Variants in KCNC2 observed in about 807,000 individuals in gnomAD.
The protein encoded by KCNC2 is potassium voltage-gated channel subfamily C member 2, also known as voltage-gated potassium channel KCNC2.
A neutral mutation model predicts 44.5 loss-of-function variants in KCNC2; 21 were observed. The observed-to-expected ratio is 0.47, with a 90% CI of 0.33 to 0.68. The LOEUF is 0.68. Ranked by LOEUF, KCNC2 falls within the 30% of genes least tolerant of loss-of-function variation. KCNC2 has a pLI of 0.01. For synonymous variants in KCNC2, 391 were observed against 339.1 expected (o/e 1.15, Z -1.68); for missense variants, 589 against 826.2 (o/e 0.71, Z 3.52).
At chr12:75,072,776 T>TA (rs1451099650) in intron 2 of KCNC2, among the ~76,000 whole-genome samples, 2 of 152,196 alleles carry the variant, frequency 1.3e-5, no homozygotes, top group Non-Finnish European at 2.9e-5. Context: ...ATCAGACATT[T>TA]AATGCTATTT....
intron 2 of KCNC2, among the ~76,000 whole-genome samples, chr12:75,103,029 A>G (rs1453653896): frequency 1.3e-5 from 2 of 152,136 alleles, no homozygotes; most frequent in African/African-American, 4.8e-5. Context: ...TGCAAGCATG[A>G]CAAACAGAAG....
At chr12:75,124,908 T>C (rs967746292) in intron 2 of KCNC2, 4 of 152,028 alleles carry the variant, frequency 2.6e-5, no homozygotes, top group Admixed American at 6.6e-5. Context: ...ATCGAGACCA[T>C]CTTGGCTAAC....
At chr12:75,043,381 T>C in intron 4 of KCNC2, 140 bp from the exon 5 acceptor site, 1 of 1,401,492 alleles carries the variant, frequency 7.1e-7, no homozygotes, top group South Asian at 1.7e-5. Flanking sequence ...ATTGAGACAA[T>C]TTATAACTCT....
intron 2 of KCNC2, among the ~76,000 whole-genome samples, chr12:75,120,943 T>C (rs1334724575): frequency 6.6e-6 from 1 of 152,204 alleles, no homozygotes; most frequent in Non-Finnish European, 1.5e-5. Flanking sequence ...GTAACTATAT[T>C]GTATCCCCAT....
At chr12:75,177,553 G>T (rs895686704) in intron 2 of KCNC2, among the ~76,000 whole-genome samples, 2 of 151,936 alleles carry the variant, frequency 1.3e-5, no homozygotes, top group African/African-American at 2.4e-5. Context: ...TATCGGCTCA[G>T]CTAGGTCAGC....
chr12:75,206,724 G>A (rs2031715508), intron 2 of KCNC2, among the ~76,000 whole-genome samples: 1 of 152,142 alleles, frequency 6.6e-6, no homozygotes, highest in Admixed American at 6.5e-5. Context: ...CCCAAACAAC[G>A]TTCTGGAGAT....
chr12:75,065,629 T>A (rs1882755456), intron 2 of KCNC2, among the ~76,000 whole-genome samples: 1 of 152,078 alleles, frequency 6.6e-6, no homozygotes, highest in Non-Finnish European at 1.5e-5. Flanking sequence ...TTCAATACAA[T>A]AACATGTTGT....
chr12:75,183,714 T>C (rs1403306179), intron 2 of KCNC2, among the ~76,000 whole-genome samples: 2 of 152,178 alleles, frequency 1.3e-5, no homozygotes, highest in Non-Finnish European at 2.9e-5. Context: ...TGGAGCAAGT[T>C]TCCTCTGAAA....
At chr12:75,084,643 C>A (rs11180361) in intron 2 of KCNC2, among the ~76,000 whole-genome samples, 62,488 of 151,704 alleles carry the variant, frequency 0.41, 16,053 homozygotes, top group Non-Finnish European at 0.58. Context: ...CCAATGAAAC[C>A]TCTTTCTTTT....
rs1879863581 is a variant in KCNC2, at chr12:75,041,203, A to C, written c.*1902T>G. 6.3e-7 allele frequency: 1 copy of C among 1,595,790 alleles called. No homozygotes were observed. The highest frequency in any genetic ancestry group is 1.3e-5 in the African/African-American group (1 of 74,888). On this transcript the variant is annotated 3_prime_UTR_variant, in exon 5 of 5. Coordinates refer to ENST00000549446, the MANE Select transcript of KCNC2 (RefSeq NM_139137.4). ...CAATAATCCATGATAAATTCTGTAC[A>C]ACACTGTAGTCAATAACAGCAGCAC...
At position 75,084,910 on chromosome 12, in the gene KCNC2, TTA is replaced by T. The variant is rs370566661; in HGVS notation, c.688-33595_688-33594del. ...AGCATTATCTATAGTATTATAGATT[TTA>T]TATATATATTTATAATCTATATGTA... On this transcript the variant is annotated intron_variant, in intron 2 of 4. Transcript: ENST00000549446. 1.6e-4 allele frequency among the ~76,000 whole-genome samples: 24 copies of T among 150,454 alleles called. No homozygotes were observed. In the East Asian group the frequency reaches 3.3e-3, roughly 21 times the overall value.
At chr12:75,200,822 G>A (rs2031183646) in intron 2 of KCNC2, among the ~76,000 whole-genome samples, 1 of 151,684 alleles carries the variant, frequency 6.6e-6, no homozygotes, top group Non-Finnish European at 1.5e-5. Flanking sequence ...CTAATAGAAT[G>A]GGTTATGGAA....
intron 2 of KCNC2, among the ~76,000 whole-genome samples, chr12:75,090,099 T>C (rs1248565228): frequency 6.6e-6 from 1 of 151,740 alleles, no homozygotes; most frequent in Non-Finnish European, 1.5e-5. Context: ...GGTGCTCCCT[T>C]ATAAGAAGTT....
At chr12:75,153,987 T>C (rs1433943356) in intron 2 of KCNC2, among the ~76,000 whole-genome samples, 2 of 151,870 alleles carry the variant, frequency 1.3e-5, no homozygotes, top group Non-Finnish European at 2.9e-5. Context: ...TGCGTACTTA[T>C]TGAAAAAAAA....
At chr12:75,201,758 T>G (rs1284207953) in intron 2 of KCNC2, among the ~76,000 whole-genome samples, 1 of 151,930 alleles carries the variant, frequency 6.6e-6, no homozygotes, top group African/African-American at 2.4e-5. Context: ...AGTGCTTTTC[T>G]GTCTTAAAAG....
chr12:75,164,817 C>T (rs112749168), intron 2 of KCNC2, among the ~76,000 whole-genome samples: 5 of 151,756 alleles, frequency 3.3e-5, no homozygotes, highest in African/African-American at 7.2e-5. Flanking sequence ...AAACTTTCTG[C>T]ATTTGCATAA....
chr12:75,055,460 A>ATC (rs1283212854), intron 2 of KCNC2, among the ~76,000 whole-genome samples: 1 of 152,056 alleles, frequency 6.6e-6, no homozygotes, highest in Non-Finnish European at 1.5e-5. Context: ...TCACACTGCC[A>ATC]TCTCTCTCTG....
chr12:75,133,953 G>T (rs1889041451), intron 2 of KCNC2, among the ~76,000 whole-genome samples: 1 of 151,908 alleles, frequency 6.6e-6, no homozygotes, highest in Non-Finnish European at 1.5e-5. Context: ...GAAGAAAAAA[G>T]TGGCAACTGG....
At chr12:75,142,458 T>C (rs967967960) in intron 2 of KCNC2, among the ~76,000 whole-genome samples, 1 of 152,206 alleles carries the variant, frequency 6.6e-6, no homozygotes, top group Non-Finnish European at 1.5e-5. Flanking sequence ...CACTGATAAC[T>C]ATCATTGATT....
Sources: allele counts gnomAD v4.1 joint callset (sites outside exome capture counted in the v4.1 genomes callset), GRCh38; gene constraint gnomAD v4.1.1; transcripts MANE v1.5; gene names NCBI Gene and HGNC (gene_info 2026-07-23, HGNC 2026-07-21).